The following PTPRQ variants were observed in gnomAD, a reference collection of about 807,000 sequenced individuals.
The protein encoded by PTPRQ is phosphatidylinositol phosphatase PTPRQ.
PTPRQ carries 199 observed loss-of-function variants against 246.0 expected under a neutral mutation model. The observed-to-expected ratio is 0.81, with a 90% CI of 0.72 to 0.91. The LOEUF (loss-of-function observed/expected upper bound fraction) is 0.91. Ranked by LOEUF, PTPRQ falls within the 40% of genes least tolerant of loss-of-function variation. The probability of loss-of-function intolerance (pLI) is 0.00; values close to 1 mark genes in which losing one functional copy is unlikely to be tolerated. For synonymous variants in PTPRQ, 869 were observed against 853.2 expected, an observed-to-expected ratio of 1.02 and a Z score of -0.32; for missense variants, 2,624 against 2,528.4, an observed-to-expected ratio of 1.04 and a Z score of -0.81.
chr12:80,676,664 A>C (rs1901155551), intron 43 of PTPRQ, among the ~76,000 whole-genome samples: 1 of 151,956 alleles, frequency 6.6e-6, no homozygotes, highest in South Asian at 2.1e-4. Context: ...CAACAAAACC[A>C]ACAACAACAC....
intron 25 of PTPRQ, among the ~76,000 whole-genome samples, chr12:80,574,243 A>C (rs1201970372): frequency 6.6e-6 from 1 of 152,044 alleles, no homozygotes; most frequent in African/African-American, 2.4e-5. Flanking sequence ...TTTGCATCAT[A>C]TATCTTTTTC....
Position 80,613,762 on chromosome 12 carries a change from A to G in PTPRQ, c.5089A>G (p.Ile1697Val), listed in dbSNP as rs1898643935. 1 of 1,544,264 alleles carries G rather than the reference A, an allele frequency of 6.5e-7. No homozygotes were observed. Among genetic ancestry groups the G allele is most frequent in the South Asian group, 1.2e-5 (1 of 83,420 alleles). ...PTAVQIHNLS[I>V]IQKTNTFVIA... ...TGCTGTCCAGATTCACAACCTCAGT[A>G]TTATACAGAAAACCAACACATTCGT... The change falls in exon 29 of 45, where the codon ATT becomes GTT. Residue 1697 changes from isoleucine (I) to valine (V), a missense_variant. Coordinates refer to ENST00000644991, the MANE Select transcript of PTPRQ (RefSeq NM_001145026.2).
chr12:80,487,244 TCTC>T (rs1894306521), intron 9 of PTPRQ, among the ~76,000 whole-genome samples: 1 of 152,192 alleles, frequency 6.6e-6, no homozygotes, highest in Non-Finnish European at 1.5e-5. Context: ...ACAGAAATCT[TCTC>T]TGAGATAATA....
At chr12:80,598,566 T>G (rs1174509376) in intron 26 of PTPRQ, among the ~76,000 whole-genome samples, 1 of 151,934 alleles carries the variant, frequency 6.6e-6, no homozygotes, top group Admixed American at 6.6e-5. Flanking sequence ...TGTCCAGGTG[T>G]GCTGAGTCAA....
At chr12:80,531,495 T>A (rs925411696) in intron 17 of PTPRQ, among the ~76,000 whole-genome samples, 11 of 152,218 alleles carry the variant, frequency 7.2e-5, no homozygotes, top group Non-Finnish European at 1.5e-4. Context: ...GAGTGAACAC[T>A]TTGAGCTTCA....
chr12:80,546,670 G>T lies in PTPRQ; in HGVS notation c.3988G>T (p.Val1330Leu). The change falls in exon 24 of 45, where the codon GTA becomes TTA. Residue 1330 changes from valine to leucine, a missense_variant. Val to Leu is a conservative substitution (Grantham distance 32). Transcript: ENST00000644991. ...KVGNGNQFSN[V>L]VKFTTQESVP... ...TGGAAATGGCAATCAATTTAGTAAT[G>T]TAGTAAAATTCACAACCCAAGAATC... 6.4e-7 allele frequency: 1 copy of T among 1,551,292 alleles called. No homozygotes were observed. Among genetic ancestry groups the T allele is most frequent in the East Asian group, 2.4e-5 (1 of 40,854 alleles).
intron 25 of PTPRQ, among the ~76,000 whole-genome samples, chr12:80,565,606 T>C (rs1361333020): frequency 6.6e-6 from 1 of 152,206 alleles, no homozygotes; most frequent in Admixed American, 6.5e-5. Context: ...GCTTCAGGAA[T>C]GTGCCTGTTG....
At chr12:80,676,216 G>C (rs892895269) in intron 43 of PTPRQ, among the ~76,000 whole-genome samples, 7 of 152,134 alleles carry the variant, frequency 4.6e-5, no homozygotes, top group Non-Finnish European at 1.0e-4. Context: ...CAGAGTGATT[G>C]CAGTTTCTAT....
chr12:80,635,861 T>C (rs1899628107), intron 35 of PTPRQ, among the ~76,000 whole-genome samples: 1 of 152,172 alleles, frequency 6.6e-6, no homozygotes, highest in Non-Finnish European at 1.5e-5. Flanking sequence ...AAAGTAGTTG[T>C]TACCAAGTAT....
intron 32 of PTPRQ, among the ~76,000 whole-genome samples, chr12:80,621,026 TC>T (rs1235818878): frequency 6.6e-6 from 1 of 151,918 alleles, no homozygotes; most frequent in African/African-American, 2.4e-5. Flanking sequence ...AATCATCTTA[TC>T]CTTGTGTGAT....
chr12:80,613,875 A>T (rs1187909768), intron 29 of PTPRQ, 39 bp downstream of exon 29: 27 of 1,458,898 alleles, frequency 1.9e-5, no homozygotes, highest in Non-Finnish European at 2.4e-5. Context: ...CCAAATGACA[A>T]TGTCAGTTTA....
intron 25 of PTPRQ, among the ~76,000 whole-genome samples, chr12:80,567,999 T>G (rs1897029779): frequency 6.6e-6 from 1 of 152,202 alleles, no homozygotes; most frequent in South Asian, 2.1e-4. Context: ...TTCATTATGT[T>G]GGATACTTTC....
chr12:80,467,402 G>C (rs1223577776), intron 6 of PTPRQ, among the ~76,000 whole-genome samples: 1 of 152,158 alleles, frequency 6.6e-6, no homozygotes, highest in East Asian at 1.9e-4. Flanking sequence ...TTTTTACACT[G>C]TTGGTGGGAC....
At chr12:80,609,757 G>A (rs148051392) in intron 27 of PTPRQ, among the ~76,000 whole-genome samples, 1 of 150,414 alleles carries the variant, frequency 6.6e-6, no homozygotes, top group Non-Finnish European at 1.5e-5. Flanking sequence ...TAAATGAGGT[G>A]GAATAAAGTT....
At chr12:80,522,366 C>T (rs968133250) in intron 17 of PTPRQ, among the ~76,000 whole-genome samples, 2 of 152,152 alleles carry the variant, frequency 1.3e-5, no homozygotes, top group Non-Finnish European at 2.9e-5. Flanking sequence ...CCTTCTCCTG[C>T]CTAATCGACC....
chr12:80,578,203 A>G (rs975591702), intron 25 of PTPRQ, among the ~76,000 whole-genome samples: 12 of 143,498 alleles, frequency 8.4e-5, no homozygotes, highest in Non-Finnish European at 7.6e-5. Context: ...TATATCTCCT[A>G]ATGCTATCCC....
intron 12 of PTPRQ, 102 bp from the exon 13 acceptor site, chr12:80,495,897 A>T: frequency 1.5e-6 from 2 of 1,323,466 alleles, no homozygotes; most frequent in Non-Finnish European, 2.0e-6. Flanking sequence ...ATAGATATCT[A>T]GTCCCCCGTA....
chr12:80,639,445 AT>A (rs956613726), intron 35 of PTPRQ, among the ~76,000 whole-genome samples: 33 of 152,072 alleles, frequency 2.2e-4, no homozygotes, highest in African/African-American at 7.2e-4. Flanking sequence ...TACCCTGCCT[AT>A]TTTAGTTGAG....
At chr12:80,472,774 A>C (rs1365892242) in intron 8 of PTPRQ, among the ~76,000 whole-genome samples, 1 of 152,186 alleles carries the variant, frequency 6.6e-6, no homozygotes, top group African/African-American at 2.4e-5. Context: ...ACTTCCTTAT[A>C]AGTATTCATT....
Sources: allele counts gnomAD v4.1 joint callset (sites outside exome capture counted in the v4.1 genomes callset), GRCh38; gene constraint gnomAD v4.1.1; transcripts MANE v1.5; gene names NCBI Gene and HGNC (gene_info 2026-07-23, HGNC 2026-07-21).